STX6: variants seen among roughly 807,000 people sequenced by gnomAD.
The protein encoded by STX6 is syntaxin 6, also known as syntaxin-6.
Under a neutral mutation model 38.0 loss-of-function variants are expected in STX6, and 23 were observed. The observed-to-expected ratio is 0.60, with a 90% CI of 0.43 to 0.86. STX6 has a LOEUF of 0.86. Among genes scored for constraint, STX6 ranks in the 40% least tolerant of loss-of-function variants. The pLI is 0.00. For missense variants in STX6, 274 were observed against 312.9 expected, an observed-to-expected ratio of 0.88 and a Z score of 0.94; for synonymous variants, 123 against 107.5, an observed-to-expected ratio of 1.14 and a Z score of -0.89.
At position 181,007,796 on chromosome 1, in the gene STX6, C is replaced by T. The variant is rs542566877; in HGVS notation, c.36-2333G>A. ...TAATCTATTTACTATATTAGGAATT[C>T]AAACAGACATTTTAAAAATATTTGT... On this transcript the variant is annotated intron_variant, in intron 1 of 7. Transcript: ENST00000258301. Among the ~76,000 whole-genome samples, 4 of 152,286 alleles carry T rather than the reference C, an allele frequency of 2.6e-5. No homozygotes were observed. The South Asian group carries it at 8.3e-4, about 32-fold the overall frequency.
intron 2 of STX6, among the ~76,000 whole-genome samples, chr1:181,004,655 T>C (rs1243994001): frequency 6.6e-6 from 1 of 152,248 alleles, no homozygotes; most frequent in African/African-American, 2.4e-5. Flanking sequence ...CATTCATCTG[T>C]ATCCTTTGTA....
chr1:180,994,645 T>G (rs941364249), intron 3 of STX6, among the ~76,000 whole-genome samples: 1 of 152,074 alleles, frequency 6.6e-6, no homozygotes, highest in Non-Finnish European at 1.5e-5. Context: ...AGACAAAGAA[T>G]AGATAGGTGG....
intron 2 of STX6, 158 bp downstream of exon 2, chr1:181,005,136 T>G (rs1283482392): frequency 1.1e-6 from 1 of 938,084 alleles, no homozygotes; most frequent in Non-Finnish European, 1.3e-6. Flanking sequence ...GTACCTTAAG[T>G]TACTGGGCAA....
rs772878449 is a variant in STX6, at chr1:180,976,651, A to C, written c.692-5T>G. The C allele has an allele frequency of 6.2e-7, 1 of 1,613,116 alleles. No individual in the cohort carries two copies. The highest frequency in any genetic ancestry group is 2.2e-5 in the East Asian group (1 of 44,880). ...TGGCACACCATTGGCGCCGATCTGGAAGGCAGGACATGGGGATTAGCTCTC... is the reference window on the plus strand; with the variant it reads ...TGGCACACCATTGGCGCCGATCTGGCAGGCAGGACATGGGGATTAGCTCTC... On this transcript the variant is annotated splice_region_variant and splice_polypyrimidine_tract_variant and intron_variant, in intron 7 of 7. Transcript: ENST00000258301.
chr1:181,013,876 A>G (rs1359215669), intron 1 of STX6, among the ~76,000 whole-genome samples: 1 of 152,216 alleles, frequency 6.6e-6, no homozygotes, highest in Non-Finnish European at 1.5e-5. Flanking sequence ...GCTTCAATGT[A>G]ACTGGACTTG....
intron 7 of STX6, among the ~76,000 whole-genome samples, chr1:180,982,545 G>T (rs1225642412): frequency 6.6e-6 from 1 of 152,116 alleles, no homozygotes; most frequent in African/African-American, 2.4e-5. Context: ...ATACACACTG[G>T]GTCGCTTCTC....
chr1:180,992,362 T>C (rs1364692117), intron 4 of STX6, among the ~76,000 whole-genome samples: 9 of 152,232 alleles, frequency 5.9e-5, no homozygotes, highest in African/African-American at 2.2e-4. Flanking sequence ...TTCCATAATA[T>C]TTGTTTTCAA....
At chr1:180,992,553 C>T (rs1655783510) in intron 4 of STX6, among the ~76,000 whole-genome samples, 1 of 152,088 alleles carries the variant, frequency 6.6e-6, no homozygotes, top group Admixed American at 6.5e-5. Flanking sequence ...GTCTTTTTTA[C>T]TTCTAAGGAA....
At position 180,972,756 on chromosome 1, in the gene STX6, G is replaced by A. The variant is rs776470567; in HGVS notation, c.*3814C>T. 2.9e-4 allele frequency: 114 copies of A among 394,318 alleles called. 1 individual carries two copies. Among genetic ancestry groups the A allele is most frequent in the Middle Eastern group, 1.2e-3 (3 of 2,528 alleles). 24.4% of individuals were successfully genotyped at this position (394,318 alleles called of 1,614,324 possible). Reference sequence around the variant, plus strand: ...TCAGGTTGTTTTATTTTCCTTTTCCGGAGACTTTTGTACATACTGTTGTCC... The same window carrying A: ...TCAGGTTGTTTTATTTTCCTTTTCCAGAGACTTTTGTACATACTGTTGTCC... On this transcript the variant is annotated 3_prime_UTR_variant, in exon 8 of 8. Transcript: ENST00000258301.
chr1:180,999,855 A>G lies in STX6; in HGVS notation c.300+2751T>C, dbSNP rs113550835. ...AAATTCCTAATTTGAACTTCATTTC[A>G]TCTCATTTTCCAAATCTGCTAACCC... On this transcript the variant is annotated intron_variant, in intron 3 of 7. Transcript: ENST00000258301. 4.0e-3 allele frequency among the ~76,000 whole-genome samples: 604 copies of G among 152,332 alleles called. 6 individuals are homozygous for G. Among genetic ancestry groups the G allele is most frequent in the African/African-American group, 0.013 (558 of 41,586 alleles).
intron 5 of STX6, chr1:180,989,335 AC>A (rs1243834355): frequency 6.6e-6 from 1 of 151,788 alleles, no homozygotes; most frequent in Non-Finnish European, 1.5e-5. Flanking sequence ...CTACTAAAAT[AC>A]AAAAAAAAAA....
At chr1:180,980,223 AC>A (rs1313640446) in intron 7 of STX6, among the ~76,000 whole-genome samples, 5 of 150,894 alleles carry the variant, frequency 3.3e-5, no homozygotes, top group Non-Finnish European at 5.9e-5. Context: ...AAAAAAAAAA[AC>A]ACCATGAAAG....
chr1:180,990,570 G>A (rs1446322430), intron 4 of STX6, among the ~76,000 whole-genome samples: 1 of 151,892 alleles, frequency 6.6e-6, no homozygotes, highest in Non-Finnish European at 1.5e-5. Context: ...GAAAGGGAGA[G>A]TTCCCTGGAA....
intron 3 of STX6, among the ~76,000 whole-genome samples, chr1:180,993,933 C>G (rs1443457912): frequency 6.6e-6 from 1 of 152,128 alleles, no homozygotes; most frequent in African/African-American, 2.4e-5. Context: ...AGTATATTTA[C>G]CATTAAACAC....
chr1:181,016,799 T>C (rs1289136754), intron 1 of STX6, among the ~76,000 whole-genome samples: 1 of 152,196 alleles, frequency 6.6e-6, no homozygotes, highest in Non-Finnish European at 1.5e-5. Context: ...AATAAAACTG[T>C]TATCATGCTG....
At chr1:181,014,530 G>A (rs557217268) in intron 1 of STX6, among the ~76,000 whole-genome samples, 42 of 152,278 alleles carry the variant, frequency 2.8e-4, no homozygotes, top group South Asian at 1.7e-3. Flanking sequence ...TCTTTACAGA[G>A]GGATCCCCAT....
intron 1 of STX6, among the ~76,000 whole-genome samples, chr1:181,018,825 C>T (rs1656643857): frequency 6.6e-6 from 1 of 152,196 alleles, no homozygotes; most frequent in South Asian, 2.1e-4. Flanking sequence ...AATTTCATGT[C>T]ATTTCCTTGC....
intron 7 of STX6, among the ~76,000 whole-genome samples, chr1:180,984,076 A>C (rs1399426503): frequency 1.3e-4 from 19 of 146,856 alleles, no homozygotes; most frequent in Admixed American, 5.4e-4. Context: ...AAAAAAAAAA[A>C]AAAAAAAAAA....
chr1:180,993,700 A>G (rs1356035193), intron 3 of STX6, among the ~76,000 whole-genome samples: 1 of 152,166 alleles, frequency 6.6e-6, no homozygotes, highest in Non-Finnish European at 1.5e-5. Context: ...AAACAGTGCT[A>G]AACACATACA....
Sources: allele counts gnomAD v4.1 joint callset (sites outside exome capture counted in the v4.1 genomes callset), GRCh38; gene constraint gnomAD v4.1.1; transcripts MANE v1.5; gene names NCBI Gene and HGNC (gene_info 2026-07-23, HGNC 2026-07-21).